The following KLHL20 variants were observed in gnomAD, a reference collection of about 807,000 sequenced individuals.
KLHL20 encodes the protein kelch-like protein 20.
A neutral mutation model predicts 69.5 loss-of-function variants in KLHL20; 29 were observed. The ratio of observed to expected loss-of-function variants is 0.42; its 90% confidence interval spans 0.31 to 0.57. KLHL20 has a LOEUF of 0.57. KLHL20 is among the 20% of genes least tolerant of loss of function. The probability of loss-of-function intolerance (pLI) is 0.18; values close to 1 mark genes in which losing one functional copy is unlikely to be tolerated. For missense variants in KLHL20, 419 were observed against 776.0 expected (o/e 0.54, Z 5.47); for synonymous variants, 253 against 265.2 (o/e 0.95, Z 0.45).
At chr1:173,775,558 T>C in intron 9 of KLHL20, 76 bp from the exon 10 acceptor site, 1 of 1,201,852 alleles carries the variant, frequency 8.3e-7, no homozygotes, top group Non-Finnish European at 1.2e-6. Context: ...TCACAAAGTA[T>C]CAGTGGCTAT....
chr1:173,732,394 C>A (rs550868454), intron 2 of KLHL20, among the ~76,000 whole-genome samples: 1 of 152,132 alleles, frequency 6.6e-6, no homozygotes, highest in African/African-American at 2.4e-5. Flanking sequence ...GATTCTTTTC[C>A]TTCTCCCTTC....
intron 2 of KLHL20, among the ~76,000 whole-genome samples, chr1:173,719,109 A>AAAAAAAAAAAAG (rs1245834979): frequency 6.6e-6 from 1 of 152,036 alleles, no homozygotes; most frequent in Admixed American, 6.5e-5. Context: ...CGTCTCAAAA[A>AAAAAAAAAAAAG]AAAAAAGAAA....
chr1:173,758,253 A>C (rs1055993004), intron 7 of KLHL20, among the ~76,000 whole-genome samples: 20 of 152,036 alleles, frequency 1.3e-4, no homozygotes, highest in African/African-American at 4.6e-4. Flanking sequence ...TCTGGGTGAC[A>C]GAGCAAGACT....
chr1:173,760,846 A>C (rs1558211109), intron 7 of KLHL20, among the ~76,000 whole-genome samples: 1 of 152,228 alleles, frequency 6.6e-6, no homozygotes, highest in Non-Finnish European at 1.5e-5. Flanking sequence ...CAAAGTACAT[A>C]GGCAAGAAAG....
intron 5 of KLHL20, among the ~76,000 whole-genome samples, 159 bp downstream of exon 5, chr1:173,753,466 A>G (rs1011903861): frequency 6.6e-6 from 1 of 152,232 alleles, no homozygotes; most frequent in African/African-American, 2.4e-5. Context: ...AAGAGGAGGA[A>G]AAGAAGAAGA....
intron 10 of KLHL20, 60 bp from the exon 11 acceptor site, chr1:173,782,064 C>G (rs750602126): frequency 2.6e-6 from 3 of 1,153,166 alleles, no homozygotes; most frequent in Non-Finnish European, 3.9e-6. Flanking sequence ...AGAAACCAGT[C>G]TATAATTTCC....
chr1:173,767,574 A>G (rs1174601897), intron 8 of KLHL20, among the ~76,000 whole-genome samples: 1 of 152,132 alleles, frequency 6.6e-6, no homozygotes, highest in East Asian at 1.9e-4. Context: ...TTAATATAGT[A>G]GCCATTCTAA....
intron 8 of KLHL20, among the ~76,000 whole-genome samples, chr1:173,770,909 A>T (rs1000491618): frequency 1.3e-5 from 2 of 152,134 alleles, no homozygotes; most frequent in Non-Finnish European, 2.9e-5. Flanking sequence ...TCGAATATTG[A>T]CCCAGAACAC....
At chr1:173,722,265 T>C (rs1671747600) in intron 2 of KLHL20, among the ~76,000 whole-genome samples, 1 of 151,970 alleles carries the variant, frequency 6.6e-6, no homozygotes, top group African/African-American at 2.4e-5. Flanking sequence ...TTTACATTCT[T>C]AAATGGTTGA....
At chr1:173,765,235 G>A (rs1464510837) in intron 7 of KLHL20, among the ~76,000 whole-genome samples, 3 of 152,166 alleles carry the variant, frequency 2.0e-5, no homozygotes, top group African/African-American at 7.2e-5. Flanking sequence ...CGGACATGGT[G>A]GCTCATGCCT....
intron 2 of KLHL20, among the ~76,000 whole-genome samples, chr1:173,731,089 T>C (rs1672252306): frequency 6.6e-6 from 1 of 152,128 alleles, no homozygotes; most frequent in Admixed American, 6.5e-5. Flanking sequence ...AAGAAGACAT[T>C]TATGCAGCCA....
chr1:173,733,650 A>G (rs1672388334), intron 2 of KLHL20, 63 bp from the exon 3 acceptor site: 1 of 1,283,090 alleles, frequency 7.8e-7, no homozygotes, highest in Non-Finnish European at 1.1e-6. Flanking sequence ...ACAAACATTT[A>G]AGGGGAGAAA....
chr1:173,750,637 C>T (rs1673265723), intron 3 of KLHL20, among the ~76,000 whole-genome samples: 2 of 152,156 alleles, frequency 1.3e-5, no homozygotes, highest in South Asian at 4.1e-4. Flanking sequence ...TAGTCTCAAA[C>T]TCCTGACCTC....
intron 4 of KLHL20, 45 bp downstream of exon 4, chr1:173,751,967 G>T: frequency 1.9e-6 from 3 of 1,578,658 alleles, no homozygotes; most frequent in South Asian, 1.1e-5. Flanking sequence ...ACCGGGCATG[G>T]TGGCTCATGA....
intron 8 of KLHL20, among the ~76,000 whole-genome samples, chr1:173,773,052 C>T (rs1479947110): frequency 6.6e-6 from 1 of 152,148 alleles, no homozygotes; most frequent in Non-Finnish European, 1.5e-5. Flanking sequence ...TAATAGCTCA[C>T]AACTGTCTCA....
At chr1:173,750,769 C>T (rs770594625) in intron 3 of KLHL20, among the ~76,000 whole-genome samples, 16 of 152,154 alleles carry the variant, frequency 1.1e-4, no homozygotes, top group Non-Finnish European at 1.9e-4. Context: ...CTATGTTGCC[C>T]AGGCTGGTCT....
intron 2 of KLHL20, among the ~76,000 whole-genome samples, chr1:173,720,427 A>G (rs1671665274): frequency 6.6e-6 from 1 of 152,164 alleles, no homozygotes; most frequent in Non-Finnish European, 1.5e-5. Flanking sequence ...TTGAGGAAGA[A>G]GGGGAAGTAG....
At chr1:173,765,844 A>T (rs2102519955) in intron 7 of KLHL20, among the ~76,000 whole-genome samples, 1 of 152,292 alleles carries the variant, frequency 6.6e-6, no homozygotes, top group Non-Finnish European at 1.5e-5. Flanking sequence ...AAAGCATTTT[A>T]CTGAAAAGTC....
At chr1:173,748,374 CA>C (rs1435087181) in intron 3 of KLHL20, among the ~76,000 whole-genome samples, 5 of 152,004 alleles carry the variant, frequency 3.3e-5, no homozygotes, top group Non-Finnish European at 4.4e-5. Context: ...ATCTTAGATA[CA>C]AAAATTCTTA....
Sources: allele counts gnomAD v4.1 joint callset (sites outside exome capture counted in the v4.1 genomes callset), GRCh38; gene constraint gnomAD v4.1.1; transcripts MANE v1.5; gene names NCBI Gene and HGNC (gene_info 2026-07-23, HGNC 2026-07-21).